FBXW7: variants seen among roughly 807,000 people sequenced by gnomAD.
The protein encoded by FBXW7 is F-box/WD repeat-containing protein 7.
A neutral mutation model predicts 86.3 loss-of-function variants in FBXW7; 11 were observed. The observed-to-expected ratio is 0.13, with a 90% confidence interval of 0.08 to 0.21. The LOEUF (loss-of-function observed/expected upper bound fraction) is 0.21, where lower values mean the gene tolerates loss of function less well. Among genes scored for constraint, FBXW7 ranks in the 10% least tolerant of loss-of-function variants. The pLI is 1.00. For missense variants in FBXW7, 488 were observed against 847.4 expected, an observed-to-expected ratio of 0.58 and a Z score of 5.27; for synonymous variants, 313 against 297.9, an observed-to-expected ratio of 1.05 and a Z score of -0.52.
At chr4:152,381,516 A>G (rs1192075335) in intron 4 of FBXW7, among the ~76,000 whole-genome samples, 1 of 152,108 alleles carries the variant, frequency 6.6e-6, no homozygotes, top group Non-Finnish European at 1.5e-5. Flanking sequence ...AACTCAGGAA[A>G]TACAAAAAAT....
At chr4:152,378,618 A>G (rs1734775169) in intron 4 of FBXW7, among the ~76,000 whole-genome samples, 2 of 152,254 alleles carry the variant, frequency 1.3e-5, no homozygotes, top group African/African-American at 4.8e-5. Context: ...TAATTTTAAG[A>G]GAATATTCTA....
chr4:152,389,717 T>C (rs1341597483), intron 4 of FBXW7, among the ~76,000 whole-genome samples: 1 of 151,930 alleles, frequency 6.6e-6, no homozygotes, highest in African/African-American at 2.4e-5. Flanking sequence ...CTATGTAATA[T>C]ATCCATGTAA....
chr4:152,439,169 T>C (rs757681002), intron 2 of FBXW7, among the ~76,000 whole-genome samples: 1 of 152,070 alleles, frequency 6.6e-6, no homozygotes, highest in African/African-American at 2.4e-5. Flanking sequence ...TCCACAATGT[T>C]AAAACCATCT....
At chr4:152,395,769 T>A (rs1013717179) in intron 4 of FBXW7, among the ~76,000 whole-genome samples, 1 of 151,992 alleles carries the variant, frequency 6.6e-6, no homozygotes, top group African/African-American at 2.4e-5. Flanking sequence ...CCAAAGAACA[T>A]CTTCCCTTGC....
At chr4:152,452,219 C>A (rs997847838) in intron 2 of FBXW7, among the ~76,000 whole-genome samples, 3 of 152,118 alleles carry the variant, frequency 2.0e-5, no homozygotes, top group Non-Finnish European at 4.4e-5. Context: ...TATTTTCTAA[C>A]AGGGTAAATA....
intron 4 of FBXW7, among the ~76,000 whole-genome samples, chr4:152,362,828 CAAAAAAAAAAAA>C (rs35796895): frequency 1.3e-5 from 1 of 79,144 alleles, no homozygotes; most frequent in Non-Finnish European, 2.2e-5. Context: ...CTCTCTCTCT[CAAAAAAAAAAAA>C]AAAAAAAAAC....
intron 5 of FBXW7, among the ~76,000 whole-genome samples, chr4:152,347,681 A>G (rs1371838666): frequency 2.6e-5 from 4 of 152,132 alleles, no homozygotes; most frequent in Non-Finnish European, 2.9e-5. Flanking sequence ...AAAACAGGTA[A>G]GTATTAAGAA....
chr4:152,372,988 A>T (rs1424579599), intron 4 of FBXW7, among the ~76,000 whole-genome samples: 2 of 152,022 alleles, frequency 1.3e-5, no homozygotes, highest in Non-Finnish European at 2.9e-5. Context: ...TATTGAGACC[A>T]TCATAAATTG....
At position 152,335,693 on chromosome 4, in the gene FBXW7, T is replaced by C. The variant is rs6535847; in HGVS notation, c.861+2109A>G. 0.54 allele frequency among the ~76,000 whole-genome samples: 81,871 copies of C among 152,062 alleles called. 24,983 individuals carry two copies. Among genetic ancestry groups the C allele is most frequent in the Non-Finnish European group, 0.7 (47,443 of 67,960 alleles). On this transcript the variant is annotated intron_variant, in intron 7 of 13. Coordinates refer to ENST00000281708, the MANE Select transcript of FBXW7 (RefSeq NM_001349798.2). ...TGCTTTTATTTTTCTCTATAACCTA[T>C]ATAAAAGACAACCACATTGTACTTA...
chr4:152,478,717 C>T (rs1744629943), intron 2 of FBXW7, among the ~76,000 whole-genome samples: 1 of 152,086 alleles, frequency 6.6e-6, no homozygotes, highest in African/African-American at 2.4e-5. Flanking sequence ...TCTCCACATC[C>T]TTCCCAATCC....
intron 6 of FBXW7, among the ~76,000 whole-genome samples, chr4:152,340,954 C>A (rs1730682093): frequency 6.6e-6 from 1 of 152,204 alleles, no homozygotes; most frequent in Non-Finnish European, 1.5e-5. Context: ...CCCTCCCTCT[C>A]TTTCACCATC....
At chr4:152,431,295 C>T (rs1167234915) in intron 2 of FBXW7, among the ~76,000 whole-genome samples, 1 of 152,172 alleles carries the variant, frequency 6.6e-6, no homozygotes, top group Non-Finnish European at 1.5e-5. Context: ...TGAATCAGGG[C>T]AGCCCCCATT....
chr4:152,495,738 G>A (rs893388141), intron 2 of FBXW7, among the ~76,000 whole-genome samples: 22 of 152,074 alleles, frequency 1.4e-4, no homozygotes, highest in Admixed American at 8.5e-4. Flanking sequence ...CCCAGGAAAA[G>A]CTGCAATTTT....
chr4:152,343,625 T>C (rs984647012), intron 6 of FBXW7, among the ~76,000 whole-genome samples: 1 of 152,154 alleles, frequency 6.6e-6, no homozygotes, highest in African/African-American at 2.4e-5. Flanking sequence ...CAAATTTCAA[T>C]ATAAGATAAT....
chr4:152,482,345 G>A (rs1334784783), intron 2 of FBXW7, among the ~76,000 whole-genome samples: 2 of 152,062 alleles, frequency 1.3e-5, no homozygotes, highest in African/African-American at 2.4e-5. Flanking sequence ...TATGCACTAG[G>A]AAAACAAAAA....
intron 4 of FBXW7, among the ~76,000 whole-genome samples, chr4:152,407,302 C>T (rs901226427): frequency 2.0e-5 from 3 of 152,152 alleles, no homozygotes; most frequent in African/African-American, 7.2e-5. Context: ...CATTTTTCCT[C>T]CTTCACAAAG....
intron 4 of FBXW7, among the ~76,000 whole-genome samples, chr4:152,389,858 A>G (rs2126805284): frequency 6.6e-6 from 1 of 152,190 alleles, no homozygotes; most frequent in Non-Finnish European, 1.5e-5. Context: ...TTAGTGAACA[A>G]TATAGCTAGT....
rs1237450804 is a variant in FBXW7 at position 152,519,081 on chromosome 4, G to A, written c.-120+15860C>T. ...TGAGAGGTGAAGGTGGGTGGATCAC[G>A]AGGTCAGGAGATCGAGACCATCCTG... On this transcript the variant is annotated intron_variant, in intron 2 of 13. Transcript: ENST00000281708. 2.6e-5 allele frequency among the ~76,000 whole-genome samples: 4 copies of A among 152,214 alleles called. No individual in the cohort carries two copies. In the East Asian group the frequency reaches 5.8e-4, roughly 22 times the overall value.
intron 2 of FBXW7, among the ~76,000 whole-genome samples, chr4:152,487,479 T>C (rs895471451): frequency 6.6e-6 from 1 of 151,994 alleles, no homozygotes; most frequent in African/African-American, 2.4e-5. Flanking sequence ...AGTTAAAAAG[T>C]TATGCCAACA....
Sources: allele counts gnomAD v4.1 joint callset (sites outside exome capture counted in the v4.1 genomes callset), GRCh38; gene constraint gnomAD v4.1.1; transcripts MANE v1.5; gene names NCBI Gene and HGNC (gene_info 2026-07-23, HGNC 2026-07-21).